Variants in WDFY3 observed in about 807,000 individuals in gnomAD.
WDFY3 encodes WD repeat and FYVE domain-containing protein 3.
WDFY3 carries 66 observed loss-of-function variants against 409.6 expected under a neutral mutation model. That is an observed-to-expected ratio of 0.16 (90% CI 0.13 to 0.20). The LOEUF (loss-of-function observed/expected upper bound fraction) is 0.20, where lower values mean the gene tolerates loss of function less well. Among genes scored for constraint, WDFY3 ranks in the 10% least tolerant of loss-of-function variants. The pLI is 1.00. For synonymous variants in WDFY3, 1,521 were observed against 1,537.1 expected (o/e 0.99, Z 0.25); for missense variants, 3,031 against 4,298.1 (o/e 0.71, Z 8.24).
chr4:84,834,620 C>T (rs955173467), intron 7 of WDFY3, among the ~76,000 whole-genome samples: 2 of 152,128 alleles, frequency 1.3e-5, no homozygotes, highest in African/African-American at 2.4e-5. Flanking sequence ...CACCGCACTC[C>T]GGCCTGGGAG....
chr4:84,958,769 C>T (rs1774549454), intron 1 of WDFY3, among the ~76,000 whole-genome samples: 1 of 152,192 alleles, frequency 6.6e-6, no homozygotes, highest in Admixed American at 6.5e-5. Context: ...CTCCTTCCAG[C>T]CAACCCCTTA....
chr4:84,866,596 TA>T (rs1761430602), intron 3 of WDFY3, among the ~76,000 whole-genome samples: 1 of 152,176 alleles, frequency 6.6e-6, no homozygotes, highest in Non-Finnish European at 1.5e-5. Flanking sequence ...AGCCTTTAAT[TA>T]GCCATGGACC....
At chr4:84,928,097 A>AT (rs1770244207) in intron 2 of WDFY3, among the ~76,000 whole-genome samples, 1 of 152,168 alleles carries the variant, frequency 6.6e-6, no homozygotes, top group Non-Finnish European at 1.5e-5. Context: ...GGCACTGTCA[A>AT]ATCAGCTGGG....
Position 84,831,593 on chromosome 4 carries a change from G to A in WDFY3, c.589C>T (p.Leu197=). 2.5e-6 allele frequency: 4 copies of A among 1,607,938 alleles called. No individual in the cohort carries two copies. Among genetic ancestry groups the A allele is most frequent in the African/African-American group, 1.3e-5 (1 of 74,732 alleles). The change falls in exon 8 of 68, where the codon CTG becomes TTG. Residue 197 remains leucine (L), a synonymous_variant. Transcript: ENST00000295888. ...QKVFVQILVK[L]CSFVSPAEEL... ...TCCGCAGGGGAAACAAAACTGCACA[G>A]TTTCACTAAGATCTAAAAAATAAAA... is the stretch of plus-strand genomic sequence containing the variant.
chr4:84,726,769 G>A, intron 45 of WDFY3, 92 bp downstream of exon 45: 1 of 1,100,344 alleles, frequency 9.1e-7, no homozygotes, highest in Non-Finnish European at 1.3e-6. Flanking sequence ...TTTTAAGTTA[G>A]TCTAGTCTAC....
intron 54 of WDFY3, 61 bp from the exon 55 acceptor site, chr4:84,704,505 G>GT (rs1179844870): frequency 7.4e-7 from 1 of 1,351,040 alleles, no homozygotes; most frequent in African/African-American, 1.5e-5. Flanking sequence ...AATAAAATTG[G>GT]TATTAATTTA....
chr4:84,870,106 G>T (rs543951107), intron 3 of WDFY3, among the ~76,000 whole-genome samples: 1 of 152,304 alleles, frequency 6.6e-6, no homozygotes, highest in African/African-American at 2.4e-5. Context: ...GTTGGAAACA[G>T]TCTAGTCCTT....
At position 84,691,764 on chromosome 4, in the gene WDFY3, T is replaced by C; in HGVS notation, c.9071A>G (p.Gln3024Arg). ...PVKELKEPVG[Q>R]IVCTDKGILA... The stretch of plus-strand genomic sequence containing the variant: ...AATACCTTTATCTGTACATACGATT[T>C]GTCCTACAGGTTCTTTGAGTTCTAG... Residue 3024 changes from glutamine to arginine, a missense_variant, in exon 60 of 68, where the codon CAA (glutamine) becomes CGA (arginine). Gln to Arg is a conservative substitution (Grantham distance 43). Coordinates refer to ENST00000295888, the MANE Select transcript of WDFY3 (RefSeq NM_014991.6). 1.2e-6 allele frequency: 2 copies of C among 1,612,912 alleles called. No individual in the cohort carries two copies. The highest frequency in any genetic ancestry group is 1.7e-6 in the Non-Finnish European group (2 of 1,179,136).
At chr4:84,699,562 T>C (rs1026496851) in intron 56 of WDFY3, among the ~76,000 whole-genome samples, 1 of 152,204 alleles carries the variant, frequency 6.6e-6, no homozygotes, top group African/African-American at 2.4e-5. Context: ...TTCAATTCTA[T>C]ATACCAAGGA....
chr4:84,704,982 T>C (rs1441571258), intron 54 of WDFY3, among the ~76,000 whole-genome samples: 1 of 152,206 alleles, frequency 6.6e-6, no homozygotes, highest in East Asian at 1.9e-4. Context: ...AAATAACAAG[T>C]AAACTATAAG....
At chr4:84,675,252 G>A (rs773728229) in intron 67 of WDFY3, among the ~76,000 whole-genome samples, 1 of 151,924 alleles carries the variant, frequency 6.6e-6, no homozygotes, top group Non-Finnish European at 1.5e-5. Flanking sequence ...CACTGTGCCC[G>A]GTCCCATTAT....
At chr4:84,848,188 T>G (rs1348567795) in intron 5 of WDFY3, among the ~76,000 whole-genome samples, 1 of 150,688 alleles carries the variant, frequency 6.6e-6, no homozygotes, top group East Asian at 2.0e-4. Context: ...AAAATAGGTC[T>G]ACCACAAGGC....
At chr4:84,920,246 T>C (rs558401413) in intron 2 of WDFY3, among the ~76,000 whole-genome samples, 9 of 152,268 alleles carry the variant, frequency 5.9e-5, no homozygotes, top group South Asian at 2.1e-4. Context: ...AAAACTGCCA[T>C]AGAAGGCACT....
In WDFY3 at chr4:84,821,391, T is replaced by C. The variant is rs1213945280; in HGVS notation, c.1284A>G (p.Ser428=). ...YFILESQHTL[S]QFAEKISKLP... ...GTTTAGAAATCTTCTCTGCAAACTG[T>C]GACAATGTGTGCTGTGACTCTAGGA... Residue 428 remains serine (S), a synonymous_variant, in exon 11 of 68, where the codon TCA becomes TCG. Transcript: ENST00000295888. 1.2e-6 allele frequency: 2 copies of C among 1,613,938 alleles called. No individual in the cohort carries two copies. Among genetic ancestry groups the C allele is most frequent in the Non-Finnish European group, 1.7e-6 (2 of 1,179,880 alleles).
chr4:84,891,867 A>G (rs1213731940), intron 3 of WDFY3, among the ~76,000 whole-genome samples: 1 of 152,170 alleles, frequency 6.6e-6, no homozygotes, highest in Non-Finnish European at 1.5e-5. Flanking sequence ...ATCTTTGAGC[A>G]CTACATTCAT....
At chr4:84,932,057 T>C (rs1770831256) in intron 2 of WDFY3, among the ~76,000 whole-genome samples, 1 of 152,134 alleles carries the variant, frequency 6.6e-6, no homozygotes, top group Non-Finnish European at 1.5e-5. Context: ...AGATAACTTA[T>C]TCTAATGTAG....
chr4:84,860,684 G>A, intron 3 of WDFY3, 62 bp from the exon 4 acceptor site: 2 of 1,278,036 alleles, frequency 1.6e-6, no homozygotes, highest in South Asian at 4.8e-5. Flanking sequence ...GGTCAAGCAT[G>A]CATGTAAGAG....
chr4:84,718,914 T>C (rs941831459), intron 47 of WDFY3, among the ~76,000 whole-genome samples: 1 of 152,196 alleles, frequency 6.6e-6, no homozygotes, highest in East Asian at 1.9e-4. Flanking sequence ...GGAAAGGGAA[T>C]TGAGGCATAC....
At position 84,882,613 on chromosome 4, in the gene WDFY3, C is replaced by T. The variant is rs376814279; in HGVS notation, c.-32+14298G>A. On this transcript the variant is annotated intron_variant, in intron 3 of 67. Transcript: ENST00000295888. Reference sequence around the variant, plus strand: ...AGGAAACTTATGAAATTCCTAAACACACTTTAAAATAAAAGGTGATACTAA... The same window carrying T: ...AGGAAACTTATGAAATTCCTAAACATACTTTAAAATAAAAGGTGATACTAA... 4.0e-5 allele frequency among the ~76,000 whole-genome samples: 6 copies of T among 151,854 alleles called. No homozygotes were observed. The South Asian group carries it at 6.2e-4, about 16-fold the overall frequency.
Sources: gnomAD v4.1 joint callset for allele counts (sites outside exome capture counted in the v4.1 genomes callset) on GRCh38, gnomAD v4.1.1 for gene constraint, MANE v1.5 for transcripts, NCBI Gene and HGNC (gene_info 2026-07-23, HGNC 2026-07-21) for gene names.